SPOCK3: variants seen among roughly 807,000 people sequenced by gnomAD.
The protein encoded by SPOCK3 is SPARC (osteonectin), cwcv and kazal like domains proteoglycan 3.
A neutral mutation model predicts 56.6 loss-of-function variants in SPOCK3; 30 were observed. The ratio of observed to expected loss-of-function variants is 0.53; its 90% confidence interval spans 0.40 to 0.72. The LOEUF (loss-of-function observed/expected upper bound fraction) is 0.72. SPOCK3 is among the 30% of genes least tolerant of loss of function. SPOCK3 has a pLI of 0.00. For missense variants in SPOCK3, 527 were observed against 530.0 expected (o/e 0.99, Z 0.06); for synonymous variants, 196 against 183.3 (o/e 1.07, Z -0.56).
rs938581377 is a variant in SPOCK3, at chr4:167,230,417, G to A, written c.189+3568C>T. Among the ~76,000 whole-genome samples, 4 of 150,380 alleles carry A rather than the reference G, an allele frequency of 2.7e-5. No homozygotes were observed. In the South Asian group the frequency reaches 8.4e-4, roughly 31 times the overall value. On this transcript the variant is annotated intron_variant, in intron 2 of 10. Coordinates refer to ENST00000357545, the MANE Select transcript of SPOCK3 (RefSeq NM_001040159.2). ...GAATGAATCCTTTACTCCTGCTCTG[G>A]GAGAAAGTAATGGTACCCCACAATT...
intron 2 of SPOCK3, among the ~76,000 whole-genome samples, chr4:167,205,307 T>TATATTA (rs1554053184): frequency 5.0e-5 from 2 of 39,654 alleles, no homozygotes; most frequent in African/African-American, 1.8e-4. Flanking sequence ...ATAATATATA[T>TATATTA]TATATATTTT....
intron 6 of SPOCK3, among the ~76,000 whole-genome samples, chr4:166,828,999 C>T (rs1397783151): frequency 6.6e-6 from 1 of 151,996 alleles, no homozygotes; most frequent in Non-Finnish European, 1.5e-5. Flanking sequence ...TGAAAATCTT[C>T]TGTGTTTGCT....
At chr4:166,787,786 A>T (rs1407043420) in intron 7 of SPOCK3, among the ~76,000 whole-genome samples, 2 of 152,194 alleles carry the variant, frequency 1.3e-5, no homozygotes, top group Non-Finnish European at 2.9e-5. Flanking sequence ...AATATAACAT[A>T]GCTTACATTA....
chr4:167,105,913 G>T (rs781191464), intron 2 of SPOCK3, among the ~76,000 whole-genome samples: 41 of 151,966 alleles, frequency 2.7e-4, no homozygotes, highest in Non-Finnish European at 4.3e-4. Context: ...ATGATAAAGT[G>T]GTCAATTCAG....
chr4:167,062,515 C>A lies in SPOCK3; in HGVS notation c.212G>T (p.Ser71Ile), dbSNP rs1453460822. Residue 71 changes from serine (S) to isoleucine (I), a missense_variant, in exon 3 of 11, where the codon AGT becomes ATT. Ser to Ile is a moderately radical substitution (Grantham distance 142). Coordinates refer to ENST00000357545, the MANE Select transcript of SPOCK3 (RefSeq NM_001040159.2). ...FRDDDYFRTW[S>I]PGKPFDQALD... is the part of the protein sequence containing the mutation. Reference sequence around the variant, plus strand: ...ACCCTGATCGAAGGGTTTTCCTGGACTCCAAGTGCGGAAATAATCATCCTA... The same window carrying A: ...ACCCTGATCGAAGGGTTTTCCTGGAATCCAAGTGCGGAAATAATCATCCTA... The A allele has an allele frequency of 3.7e-6, 6 of 1,606,990 alleles. No homozygotes were observed. In the Admixed American group the frequency reaches 1.0e-4, roughly 27 times the overall value.
At chr4:166,735,319 A>T (rs913964400) in intron 10 of SPOCK3, among the ~76,000 whole-genome samples, 2 of 152,056 alleles carry the variant, frequency 1.3e-5, no homozygotes, top group African/African-American at 4.8e-5. Flanking sequence ...GAGGTATGTT[A>T]TGCAAGATTT....
intron 8 of SPOCK3, among the ~76,000 whole-genome samples, chr4:166,746,055 A>G (rs1030048147): frequency 1.1e-4 from 17 of 152,186 alleles, no homozygotes; most frequent in Non-Finnish European, 2.4e-4. Flanking sequence ...TTAACACCCT[A>G]CTGTCAACAT....
At chr4:166,815,320 A>T (rs901335958) in intron 6 of SPOCK3, among the ~76,000 whole-genome samples, 5 of 152,076 alleles carry the variant, frequency 3.3e-5, no homozygotes, top group Non-Finnish European at 5.9e-5. Context: ...AAAAGTGAAT[A>T]AAAAAATTAT....
chr4:167,121,985 C>A (rs1761897753), intron 2 of SPOCK3, among the ~76,000 whole-genome samples: 1 of 152,040 alleles, frequency 6.6e-6, no homozygotes, highest in African/African-American at 2.4e-5. Flanking sequence ...TGAATTTACC[C>A]ATGGCAAACC....
chr4:166,840,220 A>G (rs1747092712), intron 6 of SPOCK3, among the ~76,000 whole-genome samples: 1 of 151,756 alleles, frequency 6.6e-6, no homozygotes, highest in Non-Finnish European at 1.5e-5. Flanking sequence ...ATTTCCACCT[A>G]GTGGAGAGGA....
At chr4:166,809,628 T>G (rs1285579728) in intron 6 of SPOCK3, among the ~76,000 whole-genome samples, 2 of 152,230 alleles carry the variant, frequency 1.3e-5, no homozygotes, top group East Asian at 3.9e-4. Flanking sequence ...TCTTTCAGGT[T>G]TTGTTTTTGC....
chr4:167,000,342 T>C lies in SPOCK3; in HGVS notation c.350+7A>G, dbSNP rs1579954436. ...CAATCAGTGGGATTAAATTTAACAA[T>C]GTTTACCTGTGTGTAAGCCTCCGGT... On this transcript the variant is annotated splice_region_variant and intron_variant, in intron 4 of 10. Coordinates refer to ENST00000357545, the MANE Select transcript of SPOCK3 (RefSeq NM_001040159.2). The C allele has an allele frequency of 7.0e-7, 1 of 1,429,806 alleles. No homozygotes were observed. Among genetic ancestry groups the C allele is most frequent in the East Asian group, 2.3e-5 (1 of 42,712 alleles). 88.6% of individuals were successfully genotyped at this position (1,429,806 alleles called of 1,614,324 possible).
At chr4:167,080,162 A>G (rs1362571040) in intron 2 of SPOCK3, among the ~76,000 whole-genome samples, 2 of 152,046 alleles carry the variant, frequency 1.3e-5, no homozygotes, top group East Asian at 3.9e-4. Context: ...AGAACTCTAT[A>G]TGTCCCTAAT....
intron 7 of SPOCK3, among the ~76,000 whole-genome samples, chr4:166,768,674 C>T (rs761859306): frequency 6.6e-6 from 1 of 152,108 alleles, no homozygotes; most frequent in Non-Finnish European, 1.5e-5. Context: ...CTTGGAGTTG[C>T]TCTTCTTGAG....
intron 4 of SPOCK3, among the ~76,000 whole-genome samples, chr4:166,921,466 G>C (rs968297099): frequency 3.3e-5 from 5 of 151,950 alleles, no homozygotes; most frequent in African/African-American, 1.2e-4. Context: ...ATAGGCGCAC[G>C]CCACCACGCT....
chr4:166,783,783 G>C (rs972217723), intron 7 of SPOCK3, among the ~76,000 whole-genome samples: 15 of 152,056 alleles, frequency 9.9e-5, no homozygotes, highest in African/African-American at 2.7e-4. Flanking sequence ...ATCACTTCTT[G>C]ATGCTTTTAA....
At chr4:167,165,600 G>A (rs555718040) in intron 2 of SPOCK3, among the ~76,000 whole-genome samples, 5 of 152,064 alleles carry the variant, frequency 3.3e-5, no homozygotes, top group Non-Finnish European at 7.4e-5. Context: ...CTCTTTCAAT[G>A]TTAAATTTGG....
chr4:167,131,541 T>C (rs2150382018), intron 2 of SPOCK3, among the ~76,000 whole-genome samples: 1 of 152,210 alleles, frequency 6.6e-6, no homozygotes, highest in East Asian at 1.9e-4. Context: ...AGGCGGAGAT[T>C]GCAGTGGGCT....
At chr4:167,196,687 T>C (rs1225977315) in intron 2 of SPOCK3, among the ~76,000 whole-genome samples, 1 of 152,086 alleles carries the variant, frequency 6.6e-6, no homozygotes, top group Non-Finnish European at 1.5e-5. Flanking sequence ...TTCTGAGCTT[T>C]GATGTTTGTT....
Sources: gnomAD v4.1 joint callset for allele counts (sites outside exome capture counted in the v4.1 genomes callset) on GRCh38, gnomAD v4.1.1 for gene constraint, MANE v1.5 for transcripts, NCBI Gene and HGNC (gene_info 2026-07-23, HGNC 2026-07-21) for gene names.